Variants in MEIOB observed in about 807,000 individuals in gnomAD.
MEIOB encodes meiosis specific with OB-fold, also known as meiosis-specific with OB domain-containing protein.
Under a neutral mutation model 53.1 loss-of-function variants are expected in MEIOB, and 50 were observed. The observed-to-expected ratio is 0.94, with a 90% CI of 0.75 to 1.19. The LOEUF is 1.19. Among genes scored for constraint, MEIOB ranks in the 50% most tolerant of loss-of-function variants. The pLI is 0.00. For missense variants in MEIOB, 551 were observed against 550.8 expected (o/e 1.00, Z 0.00); for synonymous variants, 192 against 182.5 (o/e 1.05, Z -0.42).
chr16:1,859,235 G>A (rs192009645), intron 5 of MEIOB, among the ~76,000 whole-genome samples: 1 of 152,286 alleles, frequency 6.6e-6, no homozygotes, highest in Admixed American at 6.5e-5. Flanking sequence ...TCTATGCAGA[G>A]AGAGAATAGA....
chr16:1,834,663 T>C (rs1417615052), intron 13 of MEIOB, among the ~76,000 whole-genome samples: 1 of 152,238 alleles, frequency 6.6e-6, no homozygotes, highest in Non-Finnish European at 1.5e-5. Context: ...GCTGGTGCAG[T>C]GGCTCACGCC....
chr16:1,839,427 C>T lies in MEIOB; in HGVS notation c.1046G>A (p.Gly349Asp). Residue 349 changes from glycine (G) to aspartate (D), a missense_variant, in exon 12 of 14, where the codon GGT becomes GAT. Gly to Asp is a moderately conservative substitution (Grantham distance 94). Coordinates refer to ENST00000325962, the MANE Select transcript of MEIOB (RefSeq NM_001163560.3). Reference protein sequence around the residue: ...KVVRNRCSSCGYIVNEASNMC... With the variant: ...KVVRNRCSSCDYIVNEASNMC... ...GTTAGATGCTTCATTTACAATATAA[C>T]CACAGCTGGAACTGAAAAGAAACAA... is the stretch of plus-strand genomic sequence containing the variant. 1.9e-6 allele frequency: 3 copies of T among 1,610,298 alleles called. No individual in the cohort carries two copies. In the South Asian group the frequency reaches 3.3e-5, roughly 18 times the overall value.
chr16:1,869,675 T>TCTC (rs1178590145), intron 1 of MEIOB, among the ~76,000 whole-genome samples: 1 of 151,498 alleles, frequency 6.6e-6, no homozygotes, highest in Non-Finnish European at 1.5e-5. Flanking sequence ...ATGGTCTCCA[T>TCTC]CTCCTGACCT....
intron 9 of MEIOB, among the ~76,000 whole-genome samples, chr16:1,848,529 CTT>C (rs1304740396): frequency 1.5e-5 from 2 of 136,806 alleles, no homozygotes. Context: ...ATCCCTTCTC[CTT>C]TTTTTTTTTT....
rs561632736 is a variant in MEIOB, at chr16:1,865,767, C to G, written c.127+11G>C. On this transcript the variant is annotated intron_variant, in intron 3 of 13. Coordinates refer to ENST00000325962, the MANE Select transcript of MEIOB (RefSeq NM_001163560.3). ...ATGAAAAATGAAACCAAGAGTTAAA[C>G]AGAACTCAGCTTTTTCTGTCTGGAA... 3.2e-6 allele frequency: 5 copies of G among 1,542,612 alleles called. No homozygotes were observed. The South Asian group carries it at 4.8e-5, about 15-fold the overall frequency.
intron 6 of MEIOB, among the ~76,000 whole-genome samples, chr16:1,854,439 A>G (rs1390190944): frequency 6.6e-6 from 1 of 152,262 alleles, no homozygotes; most frequent in Non-Finnish European, 1.5e-5. Context: ...TGCTTGAAGT[A>G]GAGACTGAAA....
intron 13 of MEIOB, 113 bp from the exon 14 acceptor site, chr16:1,834,479 C>T (rs994175080): frequency 1.0e-5 from 6 of 599,932 alleles, no homozygotes; most frequent in Non-Finnish European, 1.8e-5. Context: ...GTTTTGTTTA[C>T]AGATACTAAT....
rs73492221 is a variant in MEIOB at position 1,855,635 on chromosome 16, C to T, written c.529-1435G>A. 2.5e-3 allele frequency among the ~76,000 whole-genome samples: 388 copies of T among 152,284 alleles called. 3 individuals are homozygous for T. Among genetic ancestry groups the T allele is most frequent in the African/African-American group, 8.6e-3 (357 of 41,568 alleles). On this transcript the variant is annotated intron_variant, in intron 6 of 13. Transcript: ENST00000325962. ...TAGACAATTCTTACTTCATTATAAA[C>T]GTAATAGCACTGTCTAGAATTTGGG...
At chr16:1,846,930 G>A (rs1899040113) in intron 9 of MEIOB, among the ~76,000 whole-genome samples, 1 of 148,972 alleles carries the variant, frequency 6.7e-6, no homozygotes, top group African/African-American at 2.5e-5. Flanking sequence ...GGTGAGGCGG[G>A]CGGATCACGA....
intron 5 of MEIOB, among the ~76,000 whole-genome samples, chr16:1,858,954 A>G (rs552787501): frequency 1.4e-3 from 207 of 152,316 alleles, no homozygotes; most frequent in Non-Finnish European, 2.1e-3. Flanking sequence ...ACCAGACCCT[A>G]TGCTAGGCAC....
At chr16:1,840,640 C>T (rs1898881495) in intron 11 of MEIOB, among the ~76,000 whole-genome samples, 1 of 151,988 alleles carries the variant, frequency 6.6e-6, no homozygotes, top group South Asian at 2.1e-4. Flanking sequence ...GCTCTGCCTC[C>T]CAGGTCCACG....
chr16:1,854,876 C>T (rs974436538), intron 6 of MEIOB, among the ~76,000 whole-genome samples: 2 of 152,044 alleles, frequency 1.3e-5, no homozygotes, highest in Non-Finnish European at 2.9e-5. Flanking sequence ...CCCTTCTCTC[C>T]ACCCAGTGGC....
intron 7 of MEIOB, 125 bp downstream of exon 7, chr16:1,853,975 A>C: frequency 1.5e-6 from 1 of 663,764 alleles, no homozygotes; most frequent in African/African-American, 1.8e-5. Context: ...TTATTTTTTA[A>C]AATATCATTC....
intron 3 of MEIOB, among the ~76,000 whole-genome samples, chr16:1,862,997 G>C (rs946588857): frequency 3.3e-5 from 5 of 151,520 alleles, no homozygotes; most frequent in African/African-American, 1.2e-4. Context: ...TGGGAGGTGA[G>C]GTAGGAGAAT....
At chr16:1,842,028 G>C (rs1007098163) in intron 10 of MEIOB, 55 bp from the exon 11 acceptor site, 2 of 1,228,594 alleles carry the variant, frequency 1.6e-6, no homozygotes, top group Non-Finnish European at 2.2e-6. Context: ...AATATAAAAG[G>C]TTACATCCGA....
intron 10 of MEIOB, among the ~76,000 whole-genome samples, chr16:1,842,715 G>T (rs2142080705): frequency 6.6e-6 from 1 of 150,502 alleles, no homozygotes; most frequent in African/African-American, 2.4e-5. Flanking sequence ...CCAGGCGGTA[G>T]TGCAGTGGCG....
chr16:1,853,266 T>A lies in MEIOB; in HGVS notation c.635A>T (p.Asp212Val). Reference protein sequence around the residue: ...TESSFAMTCWDNESILLAQSW... With the variant: ...TESSFAMTCWVNESILLAQSW... Reference sequence around the variant, plus strand: ...CTGTGCAAGTAGAATGGATTCATTATCCCAACTGCATTTGTTTAAAAAGAA... The same window carrying A: ...CTGTGCAAGTAGAATGGATTCATTAACCCAACTGCATTTGTTTAAAAAGAA... The change falls in exon 8 of 14, where the codon GAT becomes GTT. Residue 212 changes from aspartate (D) to valine (V), a missense_variant. Physicochemically the swap from Asp to Val is radical, Grantham distance 152. Transcript: ENST00000325962. 6.5e-7 allele frequency: 1 copy of A among 1,548,200 alleles called. No homozygotes were observed. The highest frequency in any genetic ancestry group is 8.7e-7 in the Non-Finnish European group (1 of 1,143,540).
Position 1,862,028 on chromosome 16 carries a change from A to T in MEIOB, c.216T>A (p.Asp72Glu). Residue 72 changes from aspartate to glutamate, a missense_variant, in exon 4 of 14, where the codon GAT becomes GAA. By Grantham distance (45) the Asp-to-Glu change is conservative. Transcript: ENST00000325962. ...AGCTGTCAGAAAGAGACTTGATGTA[A>T]TCTTCATTGCCCCAGGAAGCTGCAT... ...FVNAASWGNEDYIKSLSDSFR... is the reference protein window; with the variant it reads ...FVNAASWGNEEYIKSLSDSFR... 7 of 1,551,562 alleles carry T rather than the reference A, an allele frequency of 4.5e-6. No homozygotes were observed. The highest frequency in any genetic ancestry group is 5.2e-6 in the Non-Finnish European group (6 of 1,146,902).
At chr16:1,866,912 T>A (rs1444323089) in intron 2 of MEIOB, among the ~76,000 whole-genome samples, 1 of 152,150 alleles carries the variant, frequency 6.6e-6, no homozygotes. Flanking sequence ...TATTGCTTAT[T>A]TAGACACATT....
Sources: allele counts gnomAD v4.1 joint callset (sites outside exome capture counted in the v4.1 genomes callset), GRCh38; gene constraint gnomAD v4.1.1; transcripts MANE v1.5; gene names NCBI Gene and HGNC (gene_info 2026-07-23, HGNC 2026-07-21).